KDM2A: variants seen among roughly 807,000 people sequenced by gnomAD.
The protein encoded by KDM2A is lysine demethylase 2A, also known as lysine-specific demethylase 2A.
KDM2A carries 3 observed loss-of-function variants against 137.3 expected under a neutral mutation model. The ratio of observed to expected loss-of-function variants is 0.02; its 90% confidence interval spans 0.01 to 0.06. The LOEUF (loss-of-function observed/expected upper bound fraction) is 0.06. Among genes scored for constraint, KDM2A ranks in the 10% least tolerant of loss-of-function variants. The probability of loss-of-function intolerance (pLI) is 1.00; values close to 1 mark genes in which losing one functional copy is unlikely to be tolerated. For synonymous variants in KDM2A, 512 were observed against 541.5 expected (o/e 0.95, Z 0.76); for missense variants, 738 against 1,510.6 (o/e 0.49, Z 8.48).
At chr11:67,160,837 G>C (rs2136316346) in intron 2 of KDM2A, among the ~76,000 whole-genome samples, 1 of 152,304 alleles carries the variant, frequency 6.6e-6, no homozygotes, top group East Asian at 1.9e-4. Context: ...GCGGGGCACT[G>C]AGGCATGTGC....
In KDM2A at chr11:67,254,800, C is replaced by T. The variant is rs910288572; in HGVS notation, c.3308-74C>T. ...TTTGTTTAGCATTTTGAAGGAAAGA[C>T]GGCTACAGGAATTGAATGGCAGAGG... On this transcript the variant is annotated intron_variant, in intron 20 of 20. Coordinates refer to ENST00000529006, the MANE Select transcript of KDM2A (RefSeq NM_012308.3). The surrounding 1 kb of genome is among the most constrained non-coding windows in gnomAD (Gnocchi z 4.7). 5.5e-5 allele frequency: 75 copies of T among 1,363,594 alleles called. No homozygotes were observed. In the East Asian group the frequency reaches 6.7e-4, roughly 12 times the overall value. The allele number at this position is 1,363,594 out of a possible 1,614,324, so 84.5% of individuals were successfully genotyped here.
intron 10 of KDM2A, among the ~76,000 whole-genome samples, chr11:67,220,050 G>T (rs1490558278): frequency 6.6e-6 from 1 of 151,258 alleles, no homozygotes; most frequent in Non-Finnish European, 1.5e-5. Flanking sequence ...TCACTCTGTT[G>T]CCCAGGCTGG....
Position 67,245,490 on chromosome 11 carries a change from G to T in KDM2A, c.1833+32G>T, listed in dbSNP as rs1402448958. On this transcript the variant is annotated intron_variant, in intron 14 of 20. Coordinates refer to ENST00000529006, the MANE Select transcript of KDM2A (RefSeq NM_012308.3). The surrounding 1 kb of genome is among the most constrained non-coding windows in gnomAD (Gnocchi z 4.1). ...GATCTGCTGGGTAAAGAATTTTGGG[G>T]AGGGGTGGCAGTGCCAAAGGAACTG... is the stretch of plus-strand genomic sequence containing the variant. 2 of 1,608,532 alleles carry T rather than the reference G, an allele frequency of 1.2e-6. No individual in the cohort carries two copies. The highest frequency in any genetic ancestry group is 1.7e-6 in the Non-Finnish European group (2 of 1,176,774).
intron 2 of KDM2A, among the ~76,000 whole-genome samples, chr11:67,129,148 A>G (rs1317891959): frequency 6.6e-6 from 1 of 152,250 alleles, no homozygotes; most frequent in Non-Finnish European, 1.5e-5. Flanking sequence ...ATATCTGGAT[A>G]TTGGGTCTTG....
At chr11:67,239,804 C>A (rs1428582331) in intron 12 of KDM2A, among the ~76,000 whole-genome samples, 4 of 152,236 alleles carry the variant, frequency 2.6e-5, no homozygotes, top group African/African-American at 9.6e-5. Flanking sequence ...CTTTGGCTGG[C>A]GCCTTCAGAA....
At position 67,214,672 on chromosome 11, in the gene KDM2A, G is replaced by T. The variant is rs138093913; in HGVS notation, c.487-668G>T. 1.9e-3 allele frequency among the ~76,000 whole-genome samples: 293 copies of T among 152,078 alleles called. No individual in the cohort carries two copies. The East Asian group carries it at 0.027, about 14-fold the overall frequency. ...TATTTTGAAGAGATGGGTTCTCACT[G>T]TGTTGCCCAGGCTGGTCTTAAACTC... On this transcript the variant is annotated intron_variant, in intron 6 of 20. Coordinates refer to ENST00000529006, the MANE Select transcript of KDM2A (RefSeq NM_012308.3).
At chr11:67,234,650 CTT>C (rs1403061013) in intron 12 of KDM2A, among the ~76,000 whole-genome samples, 1 of 152,190 alleles carries the variant, frequency 6.6e-6, no homozygotes, top group Non-Finnish European at 1.5e-5. Flanking sequence ...AGGCAGATCT[CTT>C]GAGACCAGCC....
At chr11:67,218,123 G>A (rs750931088) in intron 9 of KDM2A, among the ~76,000 whole-genome samples, 3 of 152,318 alleles carry the variant, frequency 2.0e-5, no homozygotes, top group Admixed American at 6.5e-5. Flanking sequence ...AGGTATACAC[G>A]TTTGGGCTCT....
Position 67,250,818 on chromosome 11 carries a change from G to T in KDM2A, c.2768+20G>T, listed in dbSNP as rs192605177. The T allele has an allele frequency of 2.0e-6, 3 of 1,508,872 alleles. No individual in the cohort carries two copies. The highest frequency in any genetic ancestry group is 1.8e-4 in the Middle Eastern group (1 of 5,522). The allele number at this position is 1,508,872 out of a possible 1,614,324, so 93.5% of individuals were successfully genotyped here. A position where few individuals can be genotyped will look rare whatever the true frequency, so the allele number is the denominator to read the frequency against. ...TAAATGGTGAGCAGGGATTCAGGGGGTCAGGAATTAGGGGTATGGGAGTAG... is the reference window on the plus strand; with the variant it reads ...TAAATGGTGAGCAGGGATTCAGGGGTTCAGGAATTAGGGGTATGGGAGTAG... On this transcript the variant is annotated intron_variant, in intron 17 of 20. Transcript: ENST00000529006. This position sits in a 1 kb window ranked among gnomAD's most constrained non-coding sequence, Gnocchi z 7.1.
intron 10 of KDM2A, among the ~76,000 whole-genome samples, chr11:67,225,170 C>T (rs781304006): frequency 1.3e-5 from 2 of 152,090 alleles, no homozygotes; most frequent in East Asian, 1.9e-4. Context: ...CGAACTATCT[C>T]GCTTTTATTA....
At chr11:67,145,282 C>T (rs779507500) in intron 2 of KDM2A, among the ~76,000 whole-genome samples, 21 of 151,428 alleles carry the variant, frequency 1.4e-4, no homozygotes, top group Non-Finnish European at 2.5e-4. Context: ...GTCAGGAGTT[C>T]GAGACCAGTC....
intron 2 of KDM2A, among the ~76,000 whole-genome samples, chr11:67,147,540 T>C (rs1370047890): frequency 1.3e-5 from 2 of 149,478 alleles, no homozygotes; most frequent in African/African-American, 4.9e-5. Context: ...AGACTCCGTC[T>C]TAAAAAAAAA....
chr11:67,131,844 T>G (rs146722025), intron 2 of KDM2A: 1 of 152,350 alleles, frequency 6.6e-6, no homozygotes, highest in African/African-American at 2.4e-5. Context: ...AACTTTGAAC[T>G]TATTGCACTT....
At chr11:67,142,664 A>T (rs1002579955) in intron 2 of KDM2A, among the ~76,000 whole-genome samples, 5 of 151,656 alleles carry the variant, frequency 3.3e-5, no homozygotes, top group Non-Finnish European at 7.4e-5. Flanking sequence ...AGATTGCACC[A>T]TCGCACTCCA....
At chr11:67,124,809 G>T (rs529652370) in intron 2 of KDM2A, among the ~76,000 whole-genome samples, 1 of 151,500 alleles carries the variant, frequency 6.6e-6, no homozygotes, top group Non-Finnish European at 1.5e-5. Flanking sequence ...TATCTTAGCA[G>T]TGTTTGTGTA....
intron 12 of KDM2A, among the ~76,000 whole-genome samples, chr11:67,238,888 A>G (rs1858944857): frequency 6.6e-6 from 1 of 152,198 alleles, no homozygotes; most frequent in African/African-American, 2.4e-5. Flanking sequence ...TGTTTGGTAC[A>G]CTGTGGATCA....
At position 67,256,408 on chromosome 11, in the gene KDM2A, T is replaced by C. The variant is rs1859616688; in HGVS notation, c.*1353T>C. The C allele has an allele frequency of 6.6e-6, 1 of 152,194 alleles. No individual in the cohort carries two copies. Among genetic ancestry groups the C allele is most frequent in the South Asian group, 2.1e-4 (1 of 4,812 alleles). The allele number at this position is 152,194 out of a possible 1,614,324, so 9.4% of individuals were successfully genotyped here. ...TTTCTTTTGGGTCAATATTTTTAAGTGTGTGAGGAGATGCTCAGTAGCAGC... is the reference window on the plus strand; with the variant it reads ...TTTCTTTTGGGTCAATATTTTTAAGCGTGTGAGGAGATGCTCAGTAGCAGC... On this transcript the variant is annotated 3_prime_UTR_variant, in exon 21 of 21. Coordinates refer to ENST00000529006, the MANE Select transcript of KDM2A (RefSeq NM_012308.3).
At chr11:67,241,292 G>A (rs564148929) in intron 12 of KDM2A, among the ~76,000 whole-genome samples, 1 of 152,290 alleles carries the variant, frequency 6.6e-6, no homozygotes, top group East Asian at 1.9e-4. Flanking sequence ...CCCCCACGCT[G>A]TATGGTACTA....
At position 67,209,506 on chromosome 11, in the gene KDM2A, C is replaced by T. The variant is rs146180569; in HGVS notation, c.486+1818C>T. On this transcript the variant is annotated intron_variant, in intron 6 of 20. Coordinates refer to ENST00000529006, the MANE Select transcript of KDM2A (RefSeq NM_012308.3). ...TTGCCCAGGCTTTAGTGCAGTGGCA[C>T]GATCTTGGCTCACTGCAGCCTCCGC... is the stretch of plus-strand genomic sequence containing the variant. 1.3e-4 allele frequency among the ~76,000 whole-genome samples: 19 copies of T among 151,770 alleles called. No individual in the cohort carries two copies. In the East Asian group the frequency reaches 3.7e-3, roughly 29 times the overall value.
Sources: gnomAD v4.1 joint callset for allele counts (sites outside exome capture counted in the v4.1 genomes callset) on GRCh38, gnomAD v4.1.1 for gene constraint, Gnocchi (gnomAD v3.1) non-coding constraint, MANE v1.5 for transcripts, NCBI Gene and HGNC (gene_info 2026-07-23, HGNC 2026-07-21) for gene names.